Variants in DPP6 observed in about 807,000 individuals in gnomAD.
The protein encoded by DPP6 is A-type potassium channel modulatory protein DPP6.
In DPP6, 69 loss-of-function variants were observed where a neutral mutation model predicts 122.6. The ratio of observed to expected loss-of-function variants is 0.56; its 90% CI spans 0.46 to 0.69. The LOEUF is 0.69. Among genes scored for constraint, DPP6 ranks in the 30% least tolerant of loss-of-function variants. DPP6 has a pLI of 0.00. For synonymous variants in DPP6, 418 were observed against 433.1 expected (o/e 0.97, Z 0.43); for missense variants, 928 against 1,116.9 (o/e 0.83, Z 2.41).
chr7:154,385,353 A>G (rs1459967545), intron 1 of DPP6, among the ~76,000 whole-genome samples: 1 of 152,128 alleles, frequency 6.6e-6, no homozygotes, highest in African/African-American at 2.4e-5. Context: ...TGGGGTTGTG[A>G]ATCAAGTTCT....
chr7:154,812,181 A>AC (rs970448153), intron 16 of DPP6, among the ~76,000 whole-genome samples: 1 of 152,222 alleles, frequency 6.6e-6, no homozygotes, highest in African/African-American at 2.4e-5. Flanking sequence ...AGGCTATCAA[A>AC]CCACATTAGG....
intron 3 of DPP6, among the ~76,000 whole-genome samples, chr7:154,522,439 T>C (rs6976924): frequency 0.13 from 19,016 of 152,070 alleles, 1,440 homozygotes; most frequent in African/African-American, 0.21. Flanking sequence ...ATTCTAATGT[T>C]CACATCTCAC....
At chr7:154,582,890 C>T (rs1276202348) in intron 5 of DPP6, among the ~76,000 whole-genome samples, 1 of 152,162 alleles carries the variant, frequency 6.6e-6, no homozygotes, top group Admixed American at 6.5e-5. Flanking sequence ...AGTGTCTTCC[C>T]CATGTTATAC....
At chr7:154,208,647 G>A (rs548410078) in intron 1 of DPP6, among the ~76,000 whole-genome samples, 254 of 152,282 alleles carry the variant, frequency 1.7e-3, no homozygotes, top group African/African-American at 5.8e-3. Context: ...AGTTTAATTG[G>A]CAATTGTGTG....
At chr7:153,841,803 C>G in the DPP6 span, among the ~76,000 whole-genome samples, 1 of 152,190 alleles carries the variant, frequency 6.6e-6, no homozygotes, top group African/African-American at 2.4e-5. Flanking sequence ...AACTGATGAG[C>G]TATGCTGATC....
At chr7:153,843,434 G>A in the DPP6 span, among the ~76,000 whole-genome samples, 4 of 152,122 alleles carry the variant, frequency 2.6e-5, no homozygotes, top group African/African-American at 7.2e-5. Flanking sequence ...ACAATGCAAC[G>A]GGGCTCTCTC....
intron 1 of DPP6, among the ~76,000 whole-genome samples, chr7:153,938,676 C>T (rs941475031): frequency 2.0e-5 from 3 of 152,206 alleles, no homozygotes; most frequent in African/African-American, 7.2e-5. Flanking sequence ...ACTTCTCTCA[C>T]ACGGCCTCCT....
rs1309004274 is a variant in DPP6 at position 154,894,087 on chromosome 7, A to G, written c.*1607A>G. On this transcript the variant is annotated 3_prime_UTR_variant, in exon 26 of 26. Coordinates refer to ENST00000377770, the MANE Select transcript of DPP6 (RefSeq NM_130797.4). ...AAGGTGATTCACCACCATTTGTGAA[A>G]GGACCAACGTGCTGATAAACAGGAC... The G allele has an allele frequency of 2.0e-5, 3 of 152,346 alleles. No individual in the cohort carries two copies. The highest frequency in any genetic ancestry group is 1.5e-5 in the Non-Finnish European group (1 of 68,036). The allele number at this position is 152,346 out of a possible 1,614,324, so 9.4% of individuals were successfully genotyped here.
At chr7:154,147,259 C>T (rs1796140456) in intron 1 of DPP6, among the ~76,000 whole-genome samples, 1 of 152,196 alleles carries the variant, frequency 6.6e-6, no homozygotes, top group Admixed American at 6.5e-5. Context: ...CTGTGACCTT[C>T]ACTAGCTCAC....
intron 7 of DPP6, among the ~76,000 whole-genome samples, chr7:154,693,808 G>A (rs949030118): frequency 5.3e-5 from 8 of 152,210 alleles, no homozygotes; most frequent in African/African-American, 1.9e-4. Context: ...CCATAGTCAT[G>A]TGGCTCGTGA....
intron 1 of DPP6, among the ~76,000 whole-genome samples, chr7:154,252,363 T>C (rs1046966257): frequency 3.9e-5 from 6 of 152,270 alleles, no homozygotes; most frequent in African/African-American, 1.4e-4. Flanking sequence ...CCAGGGGAGC[T>C]GCCTTCCCAG....
intron 5 of DPP6, among the ~76,000 whole-genome samples, chr7:154,571,934 C>T (rs1467934527): frequency 6.6e-6 from 1 of 152,174 alleles, no homozygotes; most frequent in Non-Finnish European, 1.5e-5. Flanking sequence ...TCCTTGCACT[C>T]AGGGTCTTCT....
At chr7:154,493,362 C>T (rs1351292260) in intron 3 of DPP6, among the ~76,000 whole-genome samples, 2 of 152,132 alleles carry the variant, frequency 1.3e-5, no homozygotes, top group African/African-American at 4.8e-5. Context: ...AAGCACAGAC[C>T]TGCAACTTTC....
intron 3 of DPP6, among the ~76,000 whole-genome samples, chr7:154,506,118 G>T (rs1316816561): frequency 6.6e-6 from 1 of 152,030 alleles, no homozygotes; most frequent in African/African-American, 2.4e-5. Context: ...TGAAAAAGTT[G>T]ATTTTGACAA....
intron 1 of DPP6, among the ~76,000 whole-genome samples, chr7:154,336,959 C>T (rs577305924): frequency 1.6e-4 from 24 of 152,284 alleles, no homozygotes; most frequent in Admixed American, 1.0e-3. Context: ...AGCCGAGACC[C>T]GGCAGGGACA....
intron 1 of DPP6, among the ~76,000 whole-genome samples, chr7:154,362,883 C>G (rs1811851055): frequency 6.6e-6 from 1 of 152,224 alleles, no homozygotes; most frequent in Non-Finnish European, 1.5e-5. Context: ...TCAGCATCAA[C>G]TGGAGCTTGT....
At chr7:154,202,606 C>T (rs1014996769) in intron 1 of DPP6, among the ~76,000 whole-genome samples, 2 of 152,180 alleles carry the variant, frequency 1.3e-5, no homozygotes, top group Non-Finnish European at 2.9e-5. Flanking sequence ...TCAGGGCTCA[C>T]CCACACCTGG....
chr7:154,829,333 T>A (rs1201479810), intron 16 of DPP6, among the ~76,000 whole-genome samples: 1 of 150,324 alleles, frequency 6.7e-6, no homozygotes. Flanking sequence ...CAGTGAGCTG[T>A]GATTGTGCCA....
intron 3 of DPP6, among the ~76,000 whole-genome samples, chr7:154,503,127 G>A (rs1229835387): frequency 6.6e-6 from 1 of 152,220 alleles, no homozygotes; most frequent in Non-Finnish European, 1.5e-5. Flanking sequence ...AGATCAGAGA[G>A]TTGAAGCTAC....
Sources: gnomAD v4.1 joint callset for allele counts (sites outside exome capture counted in the v4.1 genomes callset) on GRCh38, gnomAD v4.1.1 for gene constraint, MANE v1.5 for transcripts, NCBI Gene and HGNC (gene_info 2026-07-23, HGNC 2026-07-21) for gene names.